PARP16: variants seen among roughly 807,000 people sequenced by gnomAD.
PARP16 encodes the protein protein mono-ADP-ribosyltransferase PARP16.
Under a neutral mutation model 35.0 loss-of-function variants are expected in PARP16, and 31 were observed. That is an observed-to-expected ratio of 0.88 (90% CI 0.66 to 1.19). The LOEUF is 1.19. PARP16 is among the 50% of genes most tolerant of loss of function. PARP16 has a pLI of 0.00. For synonymous variants in PARP16, 162 were observed against 169.5 expected (o/e 0.96, Z 0.34); for missense variants, 424 against 411.2 (o/e 1.03, Z -0.27).
intron 2 of PARP16, among the ~76,000 whole-genome samples, chr15:65,249,261 T>C (rs1384255130): frequency 6.6e-6 from 1 of 152,178 alleles, no homozygotes; most frequent in Non-Finnish European, 1.5e-5. Context: ...GCCATTTGAG[T>C]GTGACGACTT....
intron 3 of PARP16, among the ~76,000 whole-genome samples, chr15:65,243,604 G>C (rs1395836999): frequency 6.6e-6 from 1 of 152,112 alleles, no homozygotes; most frequent in African/African-American, 2.4e-5. Flanking sequence ...CATAGAATAA[G>C]TTGGGAAGTA....
intron 3 of PARP16, among the ~76,000 whole-genome samples, chr15:65,263,862 A>T (rs1384319259): frequency 6.6e-6 from 1 of 152,174 alleles, no homozygotes; most frequent in Non-Finnish European, 1.5e-5. Flanking sequence ...TGAATGCAGT[A>T]GGCATGGTTA....
chr15:65,243,973 A>G (rs976357721), intron 3 of PARP16, among the ~76,000 whole-genome samples: 3 of 151,676 alleles, frequency 2.0e-5, no homozygotes, highest in Admixed American at 2.0e-4. Flanking sequence ...CTCTCTGCTT[A>G]AGGGTCTTAC....
intron 1 of PARP16, among the ~76,000 whole-genome samples, chr15:65,283,680 G>A (rs922274070): frequency 6.6e-6 from 1 of 152,100 alleles, no homozygotes; most frequent in African/African-American, 2.4e-5. Flanking sequence ...TGAGAGCTAG[G>A]GGGTGTCCTT....
At chr15:65,259,646 A>T (rs1364570802) in intron 5 of PARP16, 104 bp from the exon 6 acceptor site, 2 of 1,115,328 alleles carry the variant, frequency 1.8e-6, no homozygotes, top group African/African-American at 1.6e-5. Flanking sequence ...GATGAATTTC[A>T]TCCTTTGCCT....
At chr15:65,280,969 G>T (rs995467215) in intron 1 of PARP16, among the ~76,000 whole-genome samples, 6 of 152,144 alleles carry the variant, frequency 3.9e-5, no homozygotes, top group Admixed American at 1.3e-4. Flanking sequence ...TGACTGGATA[G>T]GTCTGAGGCA....
chr15:65,268,588 G>A (rs913917540), intron 2 of PARP16, among the ~76,000 whole-genome samples: 1 of 152,152 alleles, frequency 6.6e-6, no homozygotes, highest in Non-Finnish European at 1.5e-5. Flanking sequence ...TGGGACTATA[G>A]GTGCAACTAC....
downstream of PARP16, among the ~76,000 whole-genome samples, chr15:65,234,250 T>C (rs2088823052): frequency 1.3e-5 from 2 of 152,198 alleles, no homozygotes; most frequent in Admixed American, 1.3e-4. Flanking sequence ...AGCACTGAGA[T>C]TACCTGTAGG....
At position 65,285,691 on chromosome 15, in the gene PARP16, A is replaced by G. The variant is rs192906954; in HGVS notation, c.174+562T>C. The G allele has an allele frequency of 2.7e-3, 507 of 186,936 alleles. 1 individual carries two copies. The highest frequency in any genetic ancestry group is 5.0e-3 in the Non-Finnish European group (445 of 89,240). The allele number at this position is 186,936 out of a possible 1,614,324, so 11.6% of individuals were successfully genotyped here. On this transcript the variant is annotated intron_variant, in intron 1 of 5. Coordinates refer to ENST00000649807, the MANE Select transcript of PARP16 (RefSeq NM_001316943.2). ...TATATTTTTCTAGGCAATTCCAAAC[A>G]TTTGGATTATAAGGATAACTGATAT...
intron 3 of PARP16, among the ~76,000 whole-genome samples, chr15:65,241,291 C>G (rs1284740972): frequency 6.6e-6 from 1 of 151,882 alleles, no homozygotes; most frequent in Non-Finnish European, 1.5e-5. Flanking sequence ...CAGGCGTGTG[C>G]CACCACACCC....
chr15:65,240,721 A>ACAGCTTCT (rs2089049962), intron 3 of PARP16, among the ~76,000 whole-genome samples: 1 of 152,134 alleles, frequency 6.6e-6, no homozygotes, highest in Admixed American at 6.6e-5. Context: ...ATTCATGTAT[A>ACAGCTTCT]GGTCTTTGTA....
At position 65,282,310 on chromosome 15, in the gene PARP16, A is replaced by C. The variant is rs542971612; in HGVS notation, c.174+3943T>G. The stretch of plus-strand genomic sequence containing the variant: ...AGGTGTGAACCACCGTGCCCAGCCA[A>C]GAGACTTTTTAACAGCTCCATACTT... On this transcript the variant is annotated intron_variant, in intron 1 of 5. Transcript: ENST00000649807. Among the ~76,000 whole-genome samples the C allele has an allele frequency of 3.3e-5, 5 of 152,296 alleles. No individual in the cohort carries two copies. In the South Asian group the frequency reaches 1.0e-3, roughly 32 times the overall value.
intron 3 of PARP16, among the ~76,000 whole-genome samples, chr15:65,235,572 G>C (rs2088854210): frequency 6.6e-6 from 1 of 150,934 alleles, no homozygotes. Context: ...GGGAGGATGA[G>C]GTGGGCAGTT....
intron 5 of PARP16, 131 bp from the exon 6 acceptor site, chr15:65,259,673 C>T (rs2089635609): frequency 2.3e-6 from 2 of 880,468 alleles, no homozygotes. Flanking sequence ...TGAAATGAAG[C>T]TTCGTGCTTC....
At chr15:65,249,033 T>C (rs973599954) in intron 2 of PARP16, among the ~76,000 whole-genome samples, 1 of 152,284 alleles carries the variant, frequency 6.6e-6, no homozygotes, top group African/African-American at 2.4e-5. Flanking sequence ...GAAGCCTTGC[T>C]TCCTTAGGAA....
At chr15:65,235,659 A>G (rs1390906101) in intron 3 of PARP16, among the ~76,000 whole-genome samples, 1 of 143,420 alleles carries the variant, frequency 7.0e-6, no homozygotes, top group Admixed American at 7.0e-5. Flanking sequence ...AAAAAAAAAA[A>G]TTAGCCGGGC....
chr15:65,240,465 C>T (rs1171567379), intron 3 of PARP16, among the ~76,000 whole-genome samples: 1 of 152,080 alleles, frequency 6.6e-6, no homozygotes, highest in Non-Finnish European at 1.5e-5. Flanking sequence ...CTCAATCAAT[C>T]GCCCACCTCA....
chr15:65,267,678 C>CTTTTTTTTTT lies in PARP16; in HGVS notation c.313-920_313-911dup, dbSNP rs556058787. On this transcript the variant is annotated intron_variant, in intron 2 of 5. Coordinates refer to ENST00000649807, the MANE Select transcript of PARP16 (RefSeq NM_001316943.2). Reference sequence around the variant, plus strand: ...TGGAGATCACTTCTAATTTTCCTAACTTTTTTTTTTTTTTTTTTTTTTTTT... The same window carrying CTTTTTTTTTT: ...TGGAGATCACTTCTAATTTTCCTAACTTTTTTTTTTTTTTTTTTTTTTTTTTTTTTTTTTT... 1.1e-3 allele frequency among the ~76,000 whole-genome samples: 58 copies of CTTTTTTTTTT among 53,034 alleles called. 16 individuals are homozygous for CTTTTTTTTTT. Among genetic ancestry groups the CTTTTTTTTTT allele is most frequent in the African/African-American group, 2.0e-3 (27 of 13,740 alleles). The allele number at this position is 53,034 out of a possible 152,430, so 34.8% of individuals were successfully genotyped here.
chr15:65,259,569 GT>G (rs1168752398), intron 5 of PARP16, 27 bp from the exon 6 acceptor site: 2 of 1,606,374 alleles, frequency 1.2e-6, no homozygotes. Context: ...AAAGAGTGGT[GT>G]TGGCAAAAAG....
Sources: gnomAD v4.1 joint callset for allele counts (sites outside exome capture counted in the v4.1 genomes callset) on GRCh38, gnomAD v4.1.1 for gene constraint, MANE v1.5 for transcripts, NCBI Gene and HGNC (gene_info 2026-07-23, HGNC 2026-07-21) for gene names.